Variants in IL1RAPL2 observed in about 807,000 individuals in gnomAD.
IL1RAPL2 encodes the protein X-linked interleukin-1 receptor accessory protein-like 2.
In IL1RAPL2, 3 loss-of-function variants were observed where a neutral mutation model predicts 44.1. The ratio of observed to expected loss-of-function variants is 0.07; its 90% CI spans 0.03 to 0.18. The LOEUF (loss-of-function observed/expected upper bound fraction) is 0.18, where lower values mean the gene tolerates loss of function less well. IL1RAPL2 is among the 10% of genes least tolerant of loss of function. IL1RAPL2 has a pLI of 1.00. For synonymous variants in IL1RAPL2, 181 were observed against 178.8 expected (o/e 1.01, Z -0.10); for missense variants, 391 against 496.4 (o/e 0.79, Z 2.02).
intron 3 of IL1RAPL2, among the ~76,000 whole-genome samples, chrX:105,217,445 AAAC>A (rs2033873860): frequency 1.8e-5 from 2 of 111,788 alleles, no homozygotes; most frequent in African/African-American, 6.5e-5. Flanking sequence ...AAAAGTCAGG[AAAC>A]AACAGGTGCT....
intron 5 of IL1RAPL2, among the ~76,000 whole-genome samples, chrX:105,452,247 A>C (rs2036024482): frequency 9.0e-6 from 1 of 111,607 alleles, no homozygotes; most frequent in Admixed American, 9.5e-5. Context: ...CAATTTTAGA[A>C]CCAAATAAAA....
chrX:105,470,092 A>G (rs1213879273), intron 5 of IL1RAPL2, among the ~76,000 whole-genome samples: 1 of 111,491 alleles, frequency 9.0e-6, no homozygotes, highest in Non-Finnish European at 1.9e-5. Flanking sequence ...GATATTCTTC[A>G]CAGGCACCCT....
At chrX:104,638,496 T>G (rs1929870995) in intron 1 of IL1RAPL2, among the ~76,000 whole-genome samples, 1 of 112,084 alleles carries the variant, frequency 8.9e-6, no homozygotes, top group South Asian at 3.7e-4. Context: ...TAGGCATTTA[T>G]TACTATAAAC....
At chrX:105,163,260 A>G (rs1399566848) in intron 2 of IL1RAPL2, among the ~76,000 whole-genome samples, 2 of 111,915 alleles carry the variant, frequency 1.8e-5, no homozygotes, top group Admixed American at 9.5e-5. Flanking sequence ...TTCCTGTTCT[A>G]TGCTTTGCTG....
At chrX:105,540,902 CATACATATATTATATATGATATATAATAT>C (rs1434331403) in intron 6 of IL1RAPL2, among the ~76,000 whole-genome samples, 459 of 16,176 alleles carry the variant, frequency 0.028, 7 homozygotes, top group East Asian at 0.1. Flanking sequence ...ATATATAATA[CATACATATATTATATATGATATATAATAT>C]ATACATATAT....
At chrX:104,595,432 T>G (rs186653877) in intron 1 of IL1RAPL2, among the ~76,000 whole-genome samples, 1 of 111,188 alleles carries the variant, frequency 9.0e-6, no homozygotes, top group African/African-American at 3.3e-5. Context: ...GGTGGTGATG[T>G]TGGATTTACT....
chrX:104,874,279 C>CCCCT (rs1556004317), intron 2 of IL1RAPL2, among the ~76,000 whole-genome samples: 1 of 76,314 alleles, frequency 1.3e-5, no homozygotes, highest in East Asian at 4.1e-4. Context: ...TGTCTGTATT[C>CCCCT]CTCTCTCTCT....
intron 5 of IL1RAPL2, among the ~76,000 whole-genome samples, chrX:105,436,639 G>C (rs1481511918): frequency 1.8e-5 from 2 of 110,709 alleles, no homozygotes; most frequent in Non-Finnish European, 3.8e-5. Context: ...ATTCATTTGA[G>C]CAGGTTACCA....
At chrX:104,927,128 A>G (rs776208249) in intron 2 of IL1RAPL2, among the ~76,000 whole-genome samples, 3 of 112,144 alleles carry the variant, frequency 2.7e-5, no homozygotes, top group African/African-American at 6.5e-5. Flanking sequence ...AGGTGAAACC[A>G]TTTGGCAAAC....
intron 2 of IL1RAPL2, among the ~76,000 whole-genome samples, chrX:105,006,441 G>A (rs1194452064): frequency 1.8e-5 from 2 of 110,553 alleles, no homozygotes; most frequent in Non-Finnish European, 3.8e-5. Flanking sequence ...ACTTGTAGAA[G>A]AAAAAATAAT....
chrX:105,424,960 G>A (rs1255969604), intron 5 of IL1RAPL2, among the ~76,000 whole-genome samples: 3 of 109,284 alleles, frequency 2.7e-5, no homozygotes, highest in Non-Finnish European at 5.7e-5. Context: ...TGCCAGCTGG[G>A]CTTGGAAGTA....
chrX:105,133,486 A>ATG (rs915065051), intron 2 of IL1RAPL2, among the ~76,000 whole-genome samples: 3 of 111,579 alleles, frequency 2.7e-5, no homozygotes, highest in South Asian at 3.7e-4. Flanking sequence ...AATGCATCTG[A>ATG]TGTGTGTGTG....
At chrX:104,746,459 T>C (rs924669117) in intron 2 of IL1RAPL2, among the ~76,000 whole-genome samples, 1 of 111,703 alleles carries the variant, frequency 9.0e-6, no homozygotes, top group African/African-American at 3.2e-5. Flanking sequence ...GCAAAAATAC[T>C]ATGGTGAAGG....
intron 1 of IL1RAPL2, among the ~76,000 whole-genome samples, chrX:104,576,205 C>G (rs1249884704): frequency 1.8e-5 from 2 of 111,130 alleles, no homozygotes; most frequent in Non-Finnish European, 3.8e-5. Context: ...CAGTAATTTG[C>G]CTAGTCACAA....
chrX:105,661,931 A>C (rs963234948), intron 6 of IL1RAPL2, among the ~76,000 whole-genome samples: 1 of 112,554 alleles, frequency 8.9e-6, no homozygotes, highest in Non-Finnish European at 1.9e-5. Context: ...TTTCTTCTTT[A>C]CTGCAAAGTA....
At chrX:105,363,913 G>A (rs2035273176) in intron 5 of IL1RAPL2, among the ~76,000 whole-genome samples, 1 of 111,263 alleles carries the variant, frequency 9.0e-6, no homozygotes, top group Admixed American at 9.6e-5. Flanking sequence ...ACTTCACTCT[G>A]TTTCTTTTGC....
rs201498156 is a variant in IL1RAPL2 at position 104,800,365 on chromosome X, T to TA, written c.82+141380dup. Among the ~76,000 whole-genome samples, 761 of 107,465 alleles carry TA rather than the reference T, an allele frequency of 7.1e-3. 2 individuals are homozygous for TA. Among genetic ancestry groups the TA allele is most frequent in the Non-Finnish European group, 0.01 (540 of 51,668 alleles). The allele number at this position is 107,465 out of a possible 115,157, so 93.3% of individuals were successfully genotyped here. A position where few individuals can be genotyped will look rare whatever the true frequency, so the allele number is the denominator to read the frequency against. On this transcript the variant is annotated intron_variant, in intron 2 of 10. Coordinates refer to ENST00000372582, the MANE Select transcript of IL1RAPL2 (RefSeq NM_017416.2). ...AGCATACCCTATCATGCCAGGTATTTAAAAAAAAAACTAAAGAAATAGCTG... is the reference window on the plus strand; with the variant it reads ...AGCATACCCTATCATGCCAGGTATTTAAAAAAAAAAACTAAAGAAATAGCTG...
chrX:105,364,778 TATTG>T (rs1434608485), intron 5 of IL1RAPL2, among the ~76,000 whole-genome samples: 2 of 112,047 alleles, frequency 1.8e-5, no homozygotes, highest in Non-Finnish European at 3.8e-5. Context: ...TGAATTTCTT[TATTG>T]ATTCTAATAG....
intron 2 of IL1RAPL2, among the ~76,000 whole-genome samples, chrX:104,786,054 G>T (rs995367383): frequency 8.9e-6 from 1 of 112,535 alleles, no homozygotes; most frequent in Non-Finnish European, 1.9e-5. Context: ...GGTTCTTAAA[G>T]AAATACTTTT....
Sources: gnomAD v4.1 joint callset for allele counts (sites outside exome capture counted in the v4.1 genomes callset) on GRCh38, gnomAD v4.1.1 for gene constraint, MANE v1.5 for transcripts, NCBI Gene and HGNC (gene_info 2026-07-23, HGNC 2026-07-21) for gene names.